Variants in GSPT1 observed in about 807,000 individuals in gnomAD.
GSPT1 encodes the protein eukaryotic peptide chain release factor GTP-binding subunit ERF3A.
Under a neutral mutation model 72.5 loss-of-function variants are expected in GSPT1, and 20 were observed. The ratio of observed to expected loss-of-function variants is 0.28; its 90% CI spans 0.19 to 0.40. The LOEUF (loss-of-function observed/expected upper bound fraction) is 0.40, where lower values mean the gene tolerates loss of function less well. Among genes scored for constraint, GSPT1 ranks in the 10% least tolerant of loss-of-function variants. The pLI is 1.00. For missense variants in GSPT1, 580 were observed against 811.9 expected, an observed-to-expected ratio of 0.71 and a Z score of 3.47; for synonymous variants, 334 against 293.5, an observed-to-expected ratio of 1.14 and a Z score of -1.41.
intron 14 of GSPT1, among the ~76,000 whole-genome samples, chr16:11,874,985 A>T (rs1288187712): frequency 3.3e-5 from 5 of 152,140 alleles, no homozygotes; most frequent in African/African-American, 9.7e-5. Context: ...AGGTCAGGAG[A>T]TCAAGACCAT....
At position 11,896,768 on chromosome 16, in the gene GSPT1, C is replaced by G; in HGVS notation, c.454G>C (p.Glu152Gln). The change falls in exon 4 of 15, where the codon GAA (glutamate) becomes CAA (glutamine). Residue 152 changes from glutamate (E) to glutamine (Q), a missense_variant. Glu to Gln is a conservative substitution (Grantham distance 29). Coordinates refer to ENST00000434724, the MANE Select transcript of GSPT1 (RefSeq NM_002094.4). ...SEPIVENGET[E>Q]MSPEESWEHK... is the part of the protein sequence containing the mutation. ...TCCCATGATTCTTCTGGAGACATTT[C>G]TGTCTCTCCATTTTCTACTGAAGAA... is the stretch of plus-strand genomic sequence containing the variant. The G allele has an allele frequency of 6.3e-7, 1 of 1,581,082 alleles. No homozygotes were observed. The highest frequency in any genetic ancestry group is 1.1e-5 in the South Asian group (1 of 87,072).
Position 11,885,269 on chromosome 16 carries a change from A to G in GSPT1, c.1259T>C (p.Leu420Ser). ...ATTATCCAGATATGGAATAAACGGT[A>G]ATCCACTGAGAACATAACAACAAAG... ...QSDFCPWYIG[L>S]PFIPYLDNLP... The change falls in exon 10 of 15, where the codon TTA becomes TCA. Residue 420 changes from leucine (L) to serine (S), a missense_variant. Physicochemically the swap from Leu to Ser is moderately radical, Grantham distance 145 (BLOSUM62 -2). This residue lies in a region of GSPT1 where 45 missense variants were observed against 43.0 expected (regional missense o/e 1.05). Coordinates refer to ENST00000434724, the MANE Select transcript of GSPT1 (RefSeq NM_002094.4). 6.6e-7 allele frequency: 1 copy of G among 1,508,876 alleles called. No homozygotes were observed. The highest frequency in any genetic ancestry group is 9.2e-7 in the Non-Finnish European group (1 of 1,084,642). The allele number at this position is 1,508,876 out of a possible 1,614,324, so 93.5% of individuals were successfully genotyped here.
rs115242800 is a variant in GSPT1 at position 11,885,747 on chromosome 16, C to T, written c.1254-473G>A. Among the ~76,000 whole-genome samples, 1,219 of 152,092 alleles carry T rather than the reference C, an allele frequency of 8.0e-3. 13 individuals carry two copies. Among genetic ancestry groups the T allele is most frequent in the African/African-American group, 0.028 (1,151 of 41,474 alleles). Reference sequence around the variant, plus strand: ...TCTCTACTAAAAATACAAAAATCAGCCGGGTGCGGTGGCATGTGCCTACAG... The same window carrying T: ...TCTCTACTAAAAATACAAAAATCAGTCGGGTGCGGTGGCATGTGCCTACAG... On this transcript the variant is annotated intron_variant, in intron 9 of 14. Transcript: ENST00000434724.
intron 1 of GSPT1, among the ~76,000 whole-genome samples, chr16:11,906,677 G>A (rs920915946): frequency 1.3e-5 from 2 of 152,212 alleles, no homozygotes; most frequent in South Asian, 2.1e-4. Flanking sequence ...TAACTATGTG[G>A]TTCATACTAT....
At chr16:11,902,293 A>G (rs2054418360) in intron 1 of GSPT1, among the ~76,000 whole-genome samples, 1 of 146,670 alleles carries the variant, frequency 6.8e-6, no homozygotes, top group Admixed American at 6.9e-5. Context: ...AAGGCAGGAG[A>G]ATGGCATGAA....
intron 1 of GSPT1, among the ~76,000 whole-genome samples, chr16:11,906,267 G>A (rs2054488071): frequency 6.6e-6 from 1 of 152,018 alleles, no homozygotes; most frequent in Non-Finnish European, 1.5e-5. Flanking sequence ...ATTTCCATTA[G>A]GGCTCAAGAG....
At position 11,892,263 on chromosome 16, in the gene GSPT1, A is replaced by T. The variant is rs140217588; in HGVS notation, c.699-1124T>A. Among the ~76,000 whole-genome samples the T allele has an allele frequency of 7.5e-4, 114 of 151,764 alleles. 1 individual carries two copies. The East Asian group carries it at 0.015, about 20-fold the overall frequency. On this transcript the variant is annotated intron_variant, in intron 5 of 14. Coordinates refer to ENST00000434724, the MANE Select transcript of GSPT1 (RefSeq NM_002094.4). Reference sequence around the variant, plus strand: ...GAGGCTGAAGTGAGAGGATCACCTGAGCCCAGGAGTGTGAGGTTACAGTAA... The same window carrying T: ...GAGGCTGAAGTGAGAGGATCACCTGTGCCCAGGAGTGTGAGGTTACAGTAA...
rs1260062165 is a variant in GSPT1, at chr16:11,872,210, A to C, written c.*909T>G. 6.6e-6 allele frequency: 1 copy of C among 152,182 alleles called. No homozygotes were observed. 9.4% of individuals were successfully genotyped at this position (152,182 alleles called of 1,614,324 possible). The stretch of plus-strand genomic sequence containing the variant: ...AAATACTACCAGAGGAATTTTTGCC[A>C]GGTCTCAAACATGCTTTATTTGTTG... On this transcript the variant is annotated 3_prime_UTR_variant, in exon 15 of 15. Transcript: ENST00000434724.
Position 11,904,419 on chromosome 16 carries a change from G to C in GSPT1, c.353-6384C>G, listed in dbSNP as rs562551034. ...GGGTTTCACCATGTTGGCCAGGATG[G>C]TCTCGATCTCCTGACCTTGTGATCC... On this transcript the variant is annotated intron_variant, in intron 1 of 14. Transcript: ENST00000434724. Among the ~76,000 whole-genome samples the C allele has an allele frequency of 7.9e-5, 12 of 152,172 alleles. No individual in the cohort carries two copies. In the South Asian group the frequency reaches 1.7e-3, roughly 21 times the overall value.
At chr16:11,906,461 T>C (rs2054491436) in intron 1 of GSPT1, among the ~76,000 whole-genome samples, 2 of 151,864 alleles carry the variant, frequency 1.3e-5, no homozygotes, top group South Asian at 2.1e-4. Flanking sequence ...TGATGCTCTG[T>C]CTCTACAAAA....
At chr16:11,888,716 C>T (rs1244515524) in intron 6 of GSPT1, among the ~76,000 whole-genome samples, 6 of 151,802 alleles carry the variant, frequency 4.0e-5, no homozygotes, top group Non-Finnish European at 1.5e-5. Context: ...GAGCTGAGAT[C>T]GCGCCACTGC....
At chr16:11,882,409 C>T (rs1007586074) in intron 11 of GSPT1, 1 of 152,280 alleles carries the variant, frequency 6.6e-6, no homozygotes, top group Non-Finnish European at 1.5e-5. Flanking sequence ...CACAAGGCAT[C>T]AAGAAACCAG....
At chr16:11,903,838 A>C (rs1169459962) in intron 1 of GSPT1, 2 of 152,320 alleles carry the variant, frequency 1.3e-5, no homozygotes, top group African/African-American at 4.8e-5. Flanking sequence ...ATTAGCCCAC[A>C]TATTCATGTG....
At chr16:11,883,707 A>C (rs1345770264) in intron 10 of GSPT1, among the ~76,000 whole-genome samples, 1 of 151,874 alleles carries the variant, frequency 6.6e-6, no homozygotes, top group African/African-American at 2.4e-5. Context: ...AAGATCAGGA[A>C]ATCGAGCCCA....
intron 1 of GSPT1, among the ~76,000 whole-genome samples, chr16:11,907,329 C>T (rs557859609): frequency 3.9e-4 from 59 of 152,188 alleles, no homozygotes; most frequent in Non-Finnish European, 7.8e-4. Context: ...CCAAGCCTCA[C>T]TCCTCTCATG....
intron 6 of GSPT1, among the ~76,000 whole-genome samples, chr16:11,889,988 T>G (rs979955276): frequency 6.7e-6 from 1 of 148,330 alleles, no homozygotes; most frequent in African/African-American, 2.5e-5. Flanking sequence ...TGACATGGTG[T>G]CTCACTCTGT....
At chr16:11,874,009 A>C (rs938647298) in intron 14 of GSPT1, among the ~76,000 whole-genome samples, 9 of 152,230 alleles carry the variant, frequency 5.9e-5, no homozygotes, top group Non-Finnish European at 1.0e-4. Flanking sequence ...GTTGAACCTC[A>C]AAATCACACT....
rs563615047 is a variant in GSPT1, at chr16:11,896,824, C to T, written c.437-39G>A. 7.8e-6 allele frequency: 10 copies of T among 1,286,580 alleles called. No individual in the cohort carries two copies. The South Asian group carries it at 1.3e-4, about 16-fold the overall frequency. The allele number at this position is 1,286,580 out of a possible 1,614,324, so 79.7% of individuals were successfully genotyped here. On this transcript the variant is annotated intron_variant, in intron 3 of 14. Coordinates refer to ENST00000434724, the MANE Select transcript of GSPT1 (RefSeq NM_002094.4). ...TTTTAACTTAGTATTCTGAAAAAGACTTACAATCTATACTTTAAAATACAC... is the reference window on the plus strand; with the variant it reads ...TTTTAACTTAGTATTCTGAAAAAGATTTACAATCTATACTTTAAAATACAC...
At chr16:11,903,178 G>A (rs1448420371) in intron 1 of GSPT1, among the ~76,000 whole-genome samples, 2 of 152,094 alleles carry the variant, frequency 1.3e-5, no homozygotes, top group East Asian at 3.9e-4. Context: ...AGAATATGTG[G>A]TGTTTGTGTT....
Sources: gnomAD v4.1 joint callset for allele counts (sites outside exome capture counted in the v4.1 genomes callset) on GRCh38, gnomAD v4.1.1 for gene constraint, gnomAD v4.1.1 regional missense constraint, MANE v1.5 for transcripts, NCBI Gene and HGNC (gene_info 2026-07-23, HGNC 2026-07-21) for gene names.